The following DLGAP4 variants were observed in gnomAD, a reference collection of about 807,000 sequenced individuals.
The protein encoded by DLGAP4 is disks large-associated protein 4.
A neutral mutation model predicts 86.9 loss-of-function variants in DLGAP4; 18 were observed. The observed-to-expected ratio is 0.21, with a 90% CI of 0.14 to 0.31. DLGAP4 has a LOEUF of 0.31. Ranked by LOEUF, DLGAP4 falls within the 10% of genes least tolerant of loss-of-function variation. DLGAP4 has a pLI of 1.00. For synonymous variants in DLGAP4, 548 were observed against 574.3 expected (o/e 0.95, Z 0.65); for missense variants, 1,085 against 1,362.6 (o/e 0.80, Z 3.21).
intron 1 of DLGAP4, among the ~76,000 whole-genome samples, chr20:36,323,414 A>G: frequency 6.6e-6 from 1 of 152,118 alleles, no homozygotes; most frequent in Non-Finnish European, 1.5e-5. Flanking sequence ...GAGATTCATC[A>G]TGGCTGTTGT....
Position 36,442,775 on chromosome 20 carries a change from C to T in DLGAP4, c.1405C>T (p.Gln469Ter). ...LIPQLFGHEQQVREAELSDQY... is the reference protein window; with the variant it reads ...LIPQLFGHEQ ...CCCCCAGTTGTTTGGCCATGAGCAG[C>T]AGGTCAGTATGTTTGCCCTTCTCTT... Residue 469 changes from glutamine (Q) to a stop codon, truncating the protein, a stop_gained and splice_region_variant, in exon 6 of 13, where the codon CAG becomes TAG. Coordinates refer to ENST00000339266, the MANE Select transcript of DLGAP4 (RefSeq NM_001365621.2). LOFTEE classifies it high-confidence loss of function. 2 of 1,614,216 alleles carry T rather than the reference C, an allele frequency of 1.2e-6. No homozygotes were observed. The highest frequency in any genetic ancestry group is 1.7e-6 in the Non-Finnish European group (2 of 1,180,042).
At chr20:36,378,282 G>A (rs1231962518) in intron 2 of DLGAP4, among the ~76,000 whole-genome samples, 2 of 152,120 alleles carry the variant, frequency 1.3e-5, no homozygotes, top group Non-Finnish European at 2.9e-5. Flanking sequence ...TGTAAAATGG[G>A]GATAATAGGA....
At chr20:36,484,962 T>A (rs938831241) in intron 7 of DLGAP4, among the ~76,000 whole-genome samples, 1 of 152,262 alleles carries the variant, frequency 6.6e-6, no homozygotes, top group Non-Finnish European at 1.5e-5. Flanking sequence ...TCTATTGATA[T>A]ATAATAGATA....
rs1338582433 is a variant in DLGAP4, at chr20:36,350,443, G to A, written c.-303-16602G>A. Among the ~76,000 whole-genome samples, 6 of 152,168 alleles carry A rather than the reference G, an allele frequency of 3.9e-5. No homozygotes were observed. The highest frequency in any genetic ancestry group is 2.1e-4 in the South Asian group (1 of 4,836). ...CCAGCACCTGCCCCATCCTGACTCC[G>A]CTGACACTCAGAATTCAACTTCCTT... On this transcript the variant is annotated intron_variant, in intron 1 of 12. Coordinates refer to ENST00000339266, the MANE Select transcript of DLGAP4 (RefSeq NM_001365621.2). The surrounding 1 kb of genome is among the most constrained non-coding windows in gnomAD (Gnocchi z 4.4).
rs782037327 is a variant in DLGAP4, at chr20:36,308,101, C to G, written c.-304+1589C>G. 2.0e-5 allele frequency among the ~76,000 whole-genome samples: 3 copies of G among 152,202 alleles called. No individual in the cohort carries two copies. The highest frequency in any genetic ancestry group is 4.4e-5 in the Non-Finnish European group (3 of 68,026). On this transcript the variant is annotated intron_variant, in intron 1 of 12. Coordinates refer to ENST00000339266, the MANE Select transcript of DLGAP4 (RefSeq NM_001365621.2). The surrounding 1 kb of genome is among the most constrained non-coding windows in gnomAD (Gnocchi z 4.5). ...ACTCCGAGTGTGTTCCCAGCAGCTC[C>G]GGAGACGCTGGCTGTGCACGTGGGG...
intron 1 of DLGAP4, among the ~76,000 whole-genome samples, chr20:36,319,337 A>G (rs1415248192): frequency 1.3e-5 from 2 of 152,076 alleles, no homozygotes; most frequent in Non-Finnish European, 2.9e-5. Context: ...GAGAGATAAC[A>G]GTGTCATTGC....
rs146051187 is a variant in DLGAP4, at chr20:36,331,562, G to A, written c.-304+25050G>A. On this transcript the variant is annotated intron_variant, in intron 1 of 12. Transcript: ENST00000339266. ...ACTCACTCTGTCTCTGGGGAGAGGG[G>A]CCAGAGAAGGGAGTTCCCTGGCAGC... Among the ~76,000 whole-genome samples, 1,101 of 152,300 alleles carry A rather than the reference G, an allele frequency of 7.2e-3. 19 individuals are homozygous for A. Among genetic ancestry groups the A allele is most frequent in the African/African-American group, 0.025 (1,044 of 41,572 alleles).
At position 36,431,672 on chromosome 20, in the gene DLGAP4, C is replaced by A. The variant is rs1284282678; in HGVS notation, c.-46C>A. 10 of 1,521,658 alleles carry A rather than the reference C, an allele frequency of 6.6e-6. No homozygotes were observed. Among genetic ancestry groups the A allele is most frequent in the Non-Finnish European group, 8.8e-6 (10 of 1,135,148 alleles). 94.3% of individuals were successfully genotyped at this position (1,521,658 alleles called of 1,614,324 possible). A position where few individuals can be genotyped will look rare whatever the true frequency, so the allele number is the denominator to read the frequency against. ...ATAGCTGCCGCCCGGGAGAGGTGAC[C>A]CGGGCGCCCTGCTAGGGTGAAGGCC... is the stretch of plus-strand genomic sequence containing the variant. On this transcript the variant is annotated 5_prime_UTR_variant, in exon 3 of 13. Transcript: ENST00000339266. This position sits in a 1 kb window ranked among gnomAD's most constrained non-coding sequence, Gnocchi z 5.1.
intron 1 of DLGAP4, among the ~76,000 whole-genome samples, chr20:36,309,262 C>T (rs1414438065): frequency 3.9e-5 from 6 of 152,224 alleles, no homozygotes; most frequent in Admixed American, 2.0e-4. Context: ...TTCATTACCC[C>T]GTGCCCATCC....
At chr20:36,451,966 G>T (rs781679054) in intron 7 of DLGAP4, among the ~76,000 whole-genome samples, 1 of 151,798 alleles carries the variant, frequency 6.6e-6, no homozygotes, top group Admixed American at 6.6e-5. Context: ...CTCCCTGTAG[G>T]TCAGGTTGGT....
chr20:36,398,487 G>T (rs2032062846), intron 2 of DLGAP4, among the ~76,000 whole-genome samples: 1 of 152,208 alleles, frequency 6.6e-6, no homozygotes, highest in Non-Finnish European at 1.5e-5. Context: ...CAGGGTCAAA[G>T]GAGTGATGTT....
chr20:36,319,248 C>A (rs1555890292), intron 1 of DLGAP4, among the ~76,000 whole-genome samples: 1 of 152,140 alleles, frequency 6.6e-6, no homozygotes, highest in African/African-American at 2.4e-5. Context: ...AGTTTGAGTC[C>A]CCACTCTGCT....
intron 1 of DLGAP4, among the ~76,000 whole-genome samples, chr20:36,345,122 A>G (rs2147379993): frequency 6.6e-6 from 1 of 152,336 alleles, no homozygotes; most frequent in African/African-American, 2.4e-5. Context: ...ACTGAGGCCT[A>G]GAGAAAGGAA....
chr20:36,436,493 G>A, intron 4 of DLGAP4, 143 bp downstream of exon 4: 2 of 1,362,582 alleles, frequency 1.5e-6, no homozygotes, highest in Non-Finnish European at 1.9e-6. Flanking sequence ...GCCCACTCAT[G>A]AGTCCTGCTT....
intron 1 of DLGAP4, among the ~76,000 whole-genome samples, chr20:36,314,895 G>A (rs1171528134): frequency 7.1e-6 from 1 of 141,222 alleles, no homozygotes; most frequent in Non-Finnish European, 1.6e-5. Flanking sequence ...TGTGTGATGT[G>A]TGGTGTGTGA....
intron 7 of DLGAP4, among the ~76,000 whole-genome samples, chr20:36,495,030 T>G (rs1271869905): frequency 6.8e-6 from 1 of 146,266 alleles, no homozygotes; most frequent in African/African-American, 2.5e-5. Flanking sequence ...TTCGCTCTTA[T>G]TGCCTAGGCT....
At chr20:36,396,161 G>A (rs1448308389) in intron 2 of DLGAP4, among the ~76,000 whole-genome samples, 1 of 151,926 alleles carries the variant, frequency 6.6e-6, no homozygotes, top group South Asian at 2.1e-4. Context: ...TCTAGTCCGA[G>A]GTTGACATCC....
chr20:36,516,172 T>C (rs2037023441), intron 10 of DLGAP4, among the ~76,000 whole-genome samples: 5 of 152,220 alleles, frequency 3.3e-5, no homozygotes. Context: ...AAATGCTTGA[T>C]TCCAGGCTAT....
intron 1 of DLGAP4, among the ~76,000 whole-genome samples, chr20:36,310,072 G>T (rs978904280): frequency 2.6e-5 from 4 of 151,906 alleles, no homozygotes; most frequent in Non-Finnish European, 5.9e-5. Flanking sequence ...AGTGGCCCAT[G>T]CTTGTAATCC....
Sources: gnomAD v4.1 joint callset for allele counts (sites outside exome capture counted in the v4.1 genomes callset) on GRCh38, gnomAD v4.1.1 for gene constraint, Gnocchi (gnomAD v3.1) non-coding constraint, MANE v1.5 for transcripts, NCBI Gene and HGNC (gene_info 2026-07-23, HGNC 2026-07-21) for gene names.